NEBL: variants seen among roughly 807,000 people sequenced by gnomAD.
The protein encoded by NEBL is LIM and SH3 protein 2.
Under a neutral mutation model 140.2 loss-of-function variants are expected in NEBL, and 122 were observed. The ratio of observed to expected loss-of-function variants is 0.87; its 90% CI spans 0.75 to 1.01. NEBL has a LOEUF of 1.01. Among genes scored for constraint, NEBL ranks in the 50% least tolerant of loss-of-function variants. The pLI is 0.00. For synonymous variants in NEBL, 436 were observed against 398.9 expected (o/e 1.09, Z -1.11); for missense variants, 1,365 against 1,231.3 (o/e 1.11, Z -1.62).
intron 2 of NEBL, among the ~76,000 whole-genome samples, chr10:21,027,740 C>T (rs1489710037): frequency 1.3e-5 from 2 of 152,126 alleles, no homozygotes; most frequent in Non-Finnish European, 2.9e-5. Context: ...TTGCTGGGGA[C>T]CATCTTTCAC....
chr10:21,207,758 C>G (rs1841850460), intron 3 of NEBL, among the ~76,000 whole-genome samples: 1 of 152,140 alleles, frequency 6.6e-6, no homozygotes, highest in South Asian at 2.1e-4. Context: ...AAAAGCAGCC[C>G]TCTACCCACA....
intron 5 of NEBL, among the ~76,000 whole-genome samples, chr10:20,871,690 C>T (rs183980045): frequency 2.8e-3 from 423 of 152,192 alleles, no homozygotes; most frequent in Non-Finnish European, 4.4e-3. Flanking sequence ...CTGTTTTCTT[C>T]CACATTTATA....
At chr10:20,823,112 T>A (rs1839509628) in intron 19 of NEBL, 96 bp downstream of exon 19, 1 of 903,502 alleles carries the variant, frequency 1.1e-6, no homozygotes, top group African/African-American at 1.7e-5. Context: ...GCAATGAGGT[T>A]CATTGTGATG....
intron 2 of NEBL, among the ~76,000 whole-genome samples, chr10:21,062,678 T>A (rs924735073): frequency 6.6e-6 from 1 of 151,184 alleles, no homozygotes; most frequent in African/African-American, 2.4e-5. Context: ...CAGAGTGAGA[T>A]CCTGTCTCTA....
chr10:21,190,462 C>A (rs1049493452), intron 3 of NEBL, among the ~76,000 whole-genome samples: 1 of 152,116 alleles, frequency 6.6e-6, no homozygotes, highest in East Asian at 1.9e-4. Flanking sequence ...CCAGCCTGTG[C>A]GACAGAGCGA....
At chr10:20,869,892 T>A (rs1412710593) in intron 5 of NEBL, 51 bp from the exon 6 acceptor site, 1 of 1,098,174 alleles carries the variant, frequency 9.1e-7, no homozygotes. Context: ...TAATTTCACA[T>A]AGCTACTAGT....
intron 3 of NEBL, among the ~76,000 whole-genome samples, chr10:21,004,935 T>C (rs2131724946): frequency 6.6e-6 from 1 of 152,282 alleles, no homozygotes. Context: ...AGTATTAACC[T>C]CTCAAGGTCT....
At chr10:20,882,779 A>C (rs1013107633) in intron 4 of NEBL, among the ~76,000 whole-genome samples, 1 of 152,134 alleles carries the variant, frequency 6.6e-6, no homozygotes, top group Admixed American at 6.5e-5. Flanking sequence ...AACAATGTTT[A>C]ATGCCCTCTC....
At chr10:21,068,756 A>G (rs1835679289) in intron 2 of NEBL, among the ~76,000 whole-genome samples, 1 of 152,240 alleles carries the variant, frequency 6.6e-6, no homozygotes, top group Non-Finnish European at 1.5e-5. Flanking sequence ...AATAGGGAGA[A>G]GGAAAGCTTG....
intron 6 of NEBL, among the ~76,000 whole-genome samples, chr10:20,869,037 AC>A (rs1844637805): frequency 6.6e-6 from 1 of 152,140 alleles, no homozygotes; most frequent in Non-Finnish European, 1.5e-5. Context: ...AAATACTAAA[AC>A]AAAATATTAG....
rs997336523 is a variant in NEBL at position 20,783,710 on chromosome 10, T to C, written c.*2037A>G. On this transcript the variant is annotated 3_prime_UTR_variant, in exon 28 of 28. Coordinates refer to ENST00000377122, the MANE Select transcript of NEBL (RefSeq NM_006393.3). ...AAATGTAAATATATACTTAGTAAAA[T>C]AAAATTGAGCAGGTATTTTATCCTC... 4 of 152,596 alleles carry C rather than the reference T, an allele frequency of 2.6e-5. No individual in the cohort carries two copies. Among genetic ancestry groups the C allele is most frequent in the African/African-American group, 9.7e-5 (4 of 41,444 alleles). The allele number at this position is 152,596 out of a possible 1,614,324, so 9.5% of individuals were successfully genotyped here.
At chr10:20,853,487 A>C (rs1842742555) in intron 9 of NEBL, among the ~76,000 whole-genome samples, 2 of 152,188 alleles carry the variant, frequency 1.3e-5, no homozygotes, top group Admixed American at 1.3e-4. Context: ...ACAAAAATGA[A>C]CGAGATCCTG....
chr10:20,862,732 G>A (rs1206577885), intron 7 of NEBL, among the ~76,000 whole-genome samples: 1 of 152,128 alleles, frequency 6.6e-6, no homozygotes, highest in African/African-American at 2.4e-5. Context: ...GAGTGACTTT[G>A]CCATGGTTTT....
At chr10:20,937,862 C>G (rs1166588276) in intron 4 of NEBL, among the ~76,000 whole-genome samples, 1 of 152,156 alleles carries the variant, frequency 6.6e-6, no homozygotes. Context: ...AGTCTGAGAT[C>G]AAACTGCAAG....
At position 20,986,244 on chromosome 10, in the gene NEBL, A is replaced by C. The variant is rs534394765; in HGVS notation, c.250-24465T>G. ...TATATAATTCATGCAAAGCAACCCA[A>C]CAGTTCAAAGGTTGGTTCCGCTGTT... On this transcript the variant is annotated intron_variant, in intron 3 of 6. Transcript: ENST00000417816. Among the ~76,000 whole-genome samples the C allele has an allele frequency of 7.2e-5, 11 of 152,298 alleles. No individual in the cohort carries two copies. The East Asian group carries it at 2.1e-3, about 29-fold the overall frequency.
chr10:20,843,937 C>T (rs546567798), intron 12 of NEBL, among the ~76,000 whole-genome samples: 47 of 152,190 alleles, frequency 3.1e-4, no homozygotes, highest in African/African-American at 9.9e-4. Context: ...TCCTTTGTAT[C>T]GATTAACCAA....
Position 21,070,802 on chromosome 10 carries a change from T to C in NEBL, c.165-50601A>G, listed in dbSNP as rs543789061. 2.0e-5 allele frequency among the ~76,000 whole-genome samples: 3 copies of C among 152,216 alleles called. No homozygotes were observed. In the East Asian group the frequency reaches 5.8e-4, roughly 29 times the overall value. On this transcript the variant is annotated intron_variant, in intron 2 of 6. Transcript: ENST00000417816. ...GTCTTTATTGAGGTGGCAATGAAAA[T>C]CATAACTATTTTAAACTGGCATACA...
At chr10:21,024,938 C>A (rs990945121) in intron 2 of NEBL, among the ~76,000 whole-genome samples, 1 of 152,206 alleles carries the variant, frequency 6.6e-6, no homozygotes, top group Non-Finnish European at 1.5e-5. Flanking sequence ...TAGCACCATA[C>A]AATTAATTCT....
chr10:21,113,398 C>T (rs1838138772), intron 2 of NEBL: 1 of 421,588 alleles, frequency 2.4e-6, no homozygotes. Context: ...AGGTGGTTCT[C>T]TTCCCAAAGT....
Sources: gnomAD v4.1 joint callset for allele counts (sites outside exome capture counted in the v4.1 genomes callset) on GRCh38, gnomAD v4.1.1 for gene constraint, MANE v1.5 for transcripts, NCBI Gene and HGNC (gene_info 2026-07-23, HGNC 2026-07-21) for gene names.